Variants in INPP5F observed in about 807,000 individuals in gnomAD.
INPP5F encodes the protein inositol polyphosphate-5-phosphatase F.
A neutral mutation model predicts 137.2 loss-of-function variants in INPP5F; 97 were observed. That is an observed-to-expected ratio of 0.71 (90% CI 0.60 to 0.84). The LOEUF (loss-of-function observed/expected upper bound fraction) is 0.84, where lower values mean the gene tolerates loss of function less well. Among genes scored for constraint, INPP5F ranks in the 40% least tolerant of loss-of-function variants. The probability of loss-of-function intolerance (pLI) is 0.00; values close to 1 mark genes in which losing one functional copy is unlikely to be tolerated. For missense variants in INPP5F, 1,271 were observed against 1,371.9 expected, an observed-to-expected ratio of 0.93 and a Z score of 1.16; for synonymous variants, 504 against 476.9, an observed-to-expected ratio of 1.06 and a Z score of -0.74.
intron 2 of INPP5F, among the ~76,000 whole-genome samples, chr10:119,766,241 G>A (rs555949040): frequency 6.6e-6 from 1 of 152,250 alleles, no homozygotes; most frequent in Admixed American, 6.5e-5. Context: ...CTGTATTGGT[G>A]AGGGCAGTCT....
chr10:119,795,204 C>T (rs1399519776), intron 6 of INPP5F, among the ~76,000 whole-genome samples: 3 of 146,502 alleles, frequency 2.0e-5, no homozygotes, highest in East Asian at 2.1e-4. Context: ...AAGGGGCAGC[C>T]GGGCAGAGGC....
At chr10:119,736,146 G>C (rs1848209913) in intron 1 of INPP5F, among the ~76,000 whole-genome samples, 2 of 152,218 alleles carry the variant, frequency 1.3e-5, no homozygotes, top group African/African-American at 4.8e-5. Flanking sequence ...ACAGCAAAAG[G>C]TGAGGGATAT....
At chr10:119,734,470 A>C (rs923866001) in intron 1 of INPP5F, among the ~76,000 whole-genome samples, 1 of 152,146 alleles carries the variant, frequency 6.6e-6, no homozygotes, top group Non-Finnish European at 1.5e-5. Flanking sequence ...TTTAAGCTGT[A>C]CTTCCTTTTT....
intron 2 of INPP5F, among the ~76,000 whole-genome samples, chr10:119,755,164 G>C (rs540161994): frequency 6.6e-6 from 1 of 152,334 alleles, no homozygotes; most frequent in Non-Finnish European, 1.5e-5. Context: ...GCAAGTGCTC[G>C]TGACTTAGGA....
chr10:119,752,857 A>T (rs1439769413), intron 2 of INPP5F, among the ~76,000 whole-genome samples: 1 of 151,538 alleles, frequency 6.6e-6, no homozygotes, highest in African/African-American at 2.4e-5. Flanking sequence ...TCCATGCATG[A>T]AACTGTAGTT....
Position 119,760,514 on chromosome 10 carries a change from A to G in INPP5F, c.178+9358A>G, listed in dbSNP as rs144368414. On this transcript the variant is annotated intron_variant, in intron 2 of 19. Coordinates refer to ENST00000650623, the MANE Select transcript of INPP5F (RefSeq NM_014937.4). ...AAAAATGACTGTGTGGGCCACCTAT[A>G]CAGGTGCTTTCTGTATTTATTTCCT... Among the ~76,000 whole-genome samples the G allele has an allele frequency of 2.8e-3, 430 of 152,310 alleles. 2 individuals carry two copies. The highest frequency in any genetic ancestry group is 3.7e-3 in the Non-Finnish European group (253 of 68,012).
chr10:119,746,151 T>C (rs1848525912), intron 1 of INPP5F, among the ~76,000 whole-genome samples: 1 of 152,230 alleles, frequency 6.6e-6, no homozygotes, highest in Non-Finnish European at 1.5e-5. Context: ...CGTGATACAG[T>C]GTCTGGTTCC....
rs35460473 is a variant in INPP5F at position 119,800,392 on chromosome 10, G to GAAA, written c.1116+1798_1116+1800dup. On this transcript the variant is annotated intron_variant, in intron 9 of 19. Transcript: ENST00000650623. ...AGCATGGTGAAACCCTGTCTCTACT[G>GAAA]AAAAAAAAAAAAAAAAAATTAACCA... Among the ~76,000 whole-genome samples, 8 of 117,532 alleles carry GAAA rather than the reference G, an allele frequency of 6.8e-5. No homozygotes were observed. The South Asian group carries it at 8.3e-4, about 12-fold the overall frequency. 77.1% of individuals were successfully genotyped at this position (117,532 alleles called of 152,430 possible).
At chr10:119,789,477 C>G (rs1850056358) in intron 3 of INPP5F, among the ~76,000 whole-genome samples, 1 of 152,082 alleles carries the variant, frequency 6.6e-6, no homozygotes, top group African/African-American at 2.4e-5. Context: ...CCCAGTGATG[C>G]TGTATCAAGG....
intron 6 of INPP5F, among the ~76,000 whole-genome samples, chr10:119,794,922 G>A (rs1276598657): frequency 7.5e-5 from 9 of 119,822 alleles, no homozygotes; most frequent in African/African-American, 9.3e-5. Context: ...CCTCCCTCCC[G>A]GATGGGGCGG....
intron 3 of INPP5F, among the ~76,000 whole-genome samples, chr10:119,785,185 TG>T (rs1463927841): frequency 6.6e-6 from 1 of 151,974 alleles, no homozygotes; most frequent in African/African-American, 2.4e-5. Context: ...TACAAGTTCT[TG>T]GTGGTATATT....
intron 2 of INPP5F, among the ~76,000 whole-genome samples, chr10:119,753,895 G>T (rs1355424410): frequency 6.6e-6 from 1 of 152,118 alleles, no homozygotes; most frequent in Admixed American, 6.6e-5. Flanking sequence ...GAAAGAAATG[G>T]ATGTTGTACA....
intron 9 of INPP5F, among the ~76,000 whole-genome samples, chr10:119,800,360 C>T (rs940676558): frequency 6.7e-6 from 1 of 150,086 alleles, no homozygotes; most frequent in African/African-American, 2.4e-5. Flanking sequence ...TTGAGACCAC[C>T]CTGGTCAGCA....
At chr10:119,746,867 CA>C (rs1359233910) in intron 1 of INPP5F, among the ~76,000 whole-genome samples, 4 of 151,592 alleles carry the variant, frequency 2.6e-5, no homozygotes, top group Non-Finnish European at 4.4e-5. Flanking sequence ...CAGCTCACGG[CA>C]ACCTCTACTT....
At chr10:119,825,945 T>C (rs1050593701) in intron 19 of INPP5F, 1 of 398,556 alleles carries the variant, frequency 2.5e-6, no homozygotes, top group African/African-American at 2.1e-5. Context: ...TTCTTTCTTA[T>C]TTATAGCTGT....
rs776545804 is a variant in INPP5F at position 119,827,628 on chromosome 10, A to G, written c.3247A>G (p.Ser1083Gly). The G allele has an allele frequency of 3.7e-6, 6 of 1,614,066 alleles. No individual in the cohort carries two copies. The highest frequency in any genetic ancestry group is 5.1e-6 in the Non-Finnish European group (6 of 1,180,026). ...KIRSSMVQVA[S>G]ITQAGLTHGI... ...TCGAAGTTCCATGGTCCAGGTTGCT[A>G]GTATTACCCAAGCTGGATTAACCCA... is the stretch of plus-strand genomic sequence containing the variant. The change falls in exon 20 of 20, where the codon AGT becomes GGT. Residue 1083 changes from serine (S) to glycine (G), a missense_variant. Around this residue, in one of 6 missense-constraint regions of INPP5F, gnomAD observed 490 missense variants for 443.7 expected, o/e 1.10. Transcript: ENST00000650623.
In INPP5F at chr10:119,804,673, C is replaced by T. The variant is rs188775381; in HGVS notation, c.1241+376C>T. Among the ~76,000 whole-genome samples, 9 of 151,616 alleles carry T rather than the reference C, an allele frequency of 5.9e-5. No homozygotes were observed. The East Asian group carries it at 1.7e-3, about 29-fold the overall frequency. ...CTCCTCTTCATGTCTGGTAGTGATACTTCTTTCTCGATGGGTAAACTTCAC... is the reference window on the plus strand; with the variant it reads ...CTCCTCTTCATGTCTGGTAGTGATATTTCTTTCTCGATGGGTAAACTTCAC... On this transcript the variant is annotated intron_variant, in intron 10 of 19. Coordinates refer to ENST00000650623, the MANE Select transcript of INPP5F (RefSeq NM_014937.4).
chr10:119,753,537 C>T (rs969715939), intron 2 of INPP5F, among the ~76,000 whole-genome samples: 2 of 152,170 alleles, frequency 1.3e-5, no homozygotes, highest in African/African-American at 2.4e-5. Context: ...CTTAGTTCTC[C>T]TTCACCTGGC....
rs1851823830 is a variant in INPP5F, at chr10:119,827,626, C to T, written c.3245C>T (p.Ala1082Val). ...AKIRSSMVQV[A>V]SITQAGLTHG... Reference sequence around the variant, plus strand: ...ATTCGAAGTTCCATGGTCCAGGTTGCTAGTATTACCCAAGCTGGATTAACC... The same window carrying T: ...ATTCGAAGTTCCATGGTCCAGGTTGTTAGTATTACCCAAGCTGGATTAACC... Residue 1082 changes from alanine (A) to valine (V), a missense_variant, in exon 20 of 20, where the codon GCT becomes GTT. Ala to Val is a moderately conservative substitution (Grantham distance 64). This residue lies in a region of INPP5F where 490 missense variants were observed against 443.7 expected (regional missense o/e 1.10). Coordinates refer to ENST00000650623, the MANE Select transcript of INPP5F (RefSeq NM_014937.4). The T allele has an allele frequency of 1.2e-6, 2 of 1,614,054 alleles. No homozygotes were observed. Among genetic ancestry groups the T allele is most frequent in the Non-Finnish European group, 1.7e-6 (2 of 1,180,036 alleles).
Sources: allele counts gnomAD v4.1 joint callset (sites outside exome capture counted in the v4.1 genomes callset), GRCh38; gene constraint gnomAD v4.1.1; regional missense constraint gnomAD v4.1.1; transcripts MANE v1.5; gene names NCBI Gene and HGNC (gene_info 2026-07-23, HGNC 2026-07-21).